The following KLHL5 variants were observed in gnomAD, a reference collection of about 807,000 sequenced individuals.
The protein encoded by KLHL5 is kelch like family member 5.
A neutral mutation model predicts 77.7 loss-of-function variants in KLHL5; 48 were observed. The observed-to-expected ratio is 0.62, with a 90% CI of 0.49 to 0.79. KLHL5 has a LOEUF of 0.79. Among genes scored for constraint, KLHL5 ranks in the 30% least tolerant of loss-of-function variants. The probability of loss-of-function intolerance (pLI) is 0.00; values close to 1 mark genes in which losing one functional copy is unlikely to be tolerated. For synonymous variants in KLHL5, 260 were observed against 297.0 expected, an observed-to-expected ratio of 0.88 and a Z score of 1.28; for missense variants, 723 against 859.7, an observed-to-expected ratio of 0.84 and a Z score of 1.99.
At chr4:39,136,550 A>T in the KLHL5 span, among the ~76,000 whole-genome samples, 1 of 150,708 alleles carries the variant, frequency 6.6e-6, no homozygotes, top group Non-Finnish European at 1.5e-5. Context: ...TGGTGACCCA[A>T]TGTGGGGTAT....
intron 5 of KLHL5, among the ~76,000 whole-genome samples, chr4:39,091,474 A>AG (rs34283045): frequency 0.75 from 113,919 of 151,972 alleles, 42,761 homozygotes; most frequent in East Asian, 0.83. Context: ...ATAGAAATAC[A>AG]GACATATATA....
chr4:39,114,061 A>C (rs1722658151), intron 9 of KLHL5, among the ~76,000 whole-genome samples: 1 of 152,224 alleles, frequency 6.6e-6, no homozygotes, highest in South Asian at 2.1e-4. Flanking sequence ...CCAAGTGACC[A>C]TAAGAAGGAT....
chr4:39,077,833 A>G (rs1176448205), intron 2 of KLHL5, among the ~76,000 whole-genome samples: 2 of 152,226 alleles, frequency 1.3e-5, no homozygotes, highest in Non-Finnish European at 2.9e-5. Context: ...ACACAAGTTT[A>G]TAGCACCACA....
intron 1 of KLHL5, among the ~76,000 whole-genome samples, chr4:39,046,566 T>C (rs1032909687): frequency 6.6e-6 from 1 of 151,920 alleles, no homozygotes; most frequent in Non-Finnish European, 1.5e-5. Flanking sequence ...CTGGGCAACA[T>C]AGTGAGACCC....
intron 6 of KLHL5, among the ~76,000 whole-genome samples, chr4:39,098,556 C>T (rs749668164): frequency 5.3e-5 from 8 of 151,260 alleles, no homozygotes; most frequent in East Asian, 2.0e-4. Flanking sequence ...TATGAACCAG[C>T]GCACCGGGCC....
intron 1 of KLHL5, among the ~76,000 whole-genome samples, chr4:39,048,991 T>G (rs1716425762): frequency 6.6e-6 from 1 of 152,146 alleles, no homozygotes; most frequent in South Asian, 2.1e-4. Context: ...TAACTTCCAC[T>G]GCTATTTCAT....
chr4:39,130,116 A>G (rs1016067357), downstream of KLHL5, among the ~76,000 whole-genome samples: 1 of 152,226 alleles, frequency 6.6e-6, no homozygotes, highest in Non-Finnish European at 1.5e-5. Flanking sequence ...GCAGAAATAT[A>G]GAGGTGTGAA....
intron 2 of KLHL5, among the ~76,000 whole-genome samples, chr4:39,079,268 G>A (rs1719387867): frequency 6.6e-6 from 1 of 152,176 alleles, no homozygotes; most frequent in South Asian, 2.1e-4. Flanking sequence ...ATCCTTTAAA[G>A]TGGAACTCAG....
intron 1 of KLHL5, among the ~76,000 whole-genome samples, chr4:39,056,503 T>C (rs1717016446): frequency 6.6e-6 from 1 of 152,256 alleles, no homozygotes; most frequent in South Asian, 2.1e-4. Context: ...GTGCTAGAAA[T>C]CTTAGTTTTG....
chr4:39,115,217 G>A lies in KLHL5; in HGVS notation c.1960G>A (p.Ala654Thr). Residue 654 changes from alanine (A) to threonine (T), a missense_variant, in exon 10 of 11, where the codon GCA becomes ACA. Coordinates refer to ENST00000504108, the MANE Select transcript of KLHL5 (RefSeq NM_015990.5). ...AGCATCCATGAGCATCAGCAGAGAT[G>A]CAGTGGGGGTCTGTTTACTTGGTGA... Reference protein sequence around the residue: ...AVASMSISRDAVGVCLLGDKL... With the variant: ...AVASMSISRDTVGVCLLGDKL... The A allele has an allele frequency of 6.2e-7, 1 of 1,613,932 alleles. No individual in the cohort carries two copies. Among genetic ancestry groups the A allele is most frequent in the Non-Finnish European group, 8.5e-7 (1 of 1,179,940 alleles).
intron 1 of KLHL5, among the ~76,000 whole-genome samples, chr4:39,066,710 T>C (rs1459087273): frequency 6.6e-6 from 1 of 152,236 alleles, no homozygotes; most frequent in African/African-American, 2.4e-5. Context: ...TAATCATTGC[T>C]GATACTAAGC....
the KLHL5 span, among the ~76,000 whole-genome samples, chr4:39,139,146 T>A: frequency 0.011 from 1,703 of 151,984 alleles, 38 homozygotes; most frequent in African/African-American, 0.039. Context: ...GCTGAGCATG[T>A]TGGCAGACGC....
chr4:39,103,829 T>C (rs1393273368), intron 7 of KLHL5, among the ~76,000 whole-genome samples: 4 of 89,350 alleles, frequency 4.5e-5, no homozygotes, highest in Non-Finnish European at 8.6e-5. Flanking sequence ...AAATTTTTTT[T>C]TTTTAATTAA....
At chr4:39,115,537 TA>T in intron 10 of KLHL5, 1 of 1,464,158 alleles carries the variant, frequency 6.8e-7, no homozygotes, top group Non-Finnish European at 8.9e-7. Flanking sequence ...TGTAAGTTAA[TA>T]CTCAGAGAAA....
chr4:39,063,815 T>C (rs1717645479), intron 1 of KLHL5: 1 of 170,102 alleles, frequency 5.9e-6, no homozygotes, highest in Non-Finnish European at 1.3e-5. Flanking sequence ...CATAGTGACT[T>C]TATCTACCTT....
chr4:39,142,552 C>T, the KLHL5 span, among the ~76,000 whole-genome samples: 11 of 152,260 alleles, frequency 7.2e-5, no homozygotes, highest in African/African-American at 2.6e-4. Flanking sequence ...ATCCTATGAT[C>T]CAGCAAGGGC....
intron 1 of KLHL5, among the ~76,000 whole-genome samples, chr4:39,074,144 T>C (rs566358704): frequency 3.3e-5 from 5 of 152,278 alleles, no homozygotes; most frequent in African/African-American, 1.2e-4. Flanking sequence ...ATTTTCCAAG[T>C]CATTACACCA....
intron 8 of KLHL5, 98 bp from the exon 9 acceptor site, chr4:39,112,922 C>T (rs925998045): frequency 3.9e-6 from 4 of 1,019,258 alleles, no homozygotes; most frequent in Non-Finnish European, 5.8e-6. Flanking sequence ...TAACTGATGG[C>T]ACCTTAAATT....
At chr4:39,131,973 A>T in the KLHL5 span, among the ~76,000 whole-genome samples, 1 of 152,274 alleles carries the variant, frequency 6.6e-6, no homozygotes, top group South Asian at 2.1e-4. Context: ...TTTTGCCCCA[A>T]GGGCATTTGC....
Sources: gnomAD v4.1 joint callset for allele counts (sites outside exome capture counted in the v4.1 genomes callset) on GRCh38, gnomAD v4.1.1 for gene constraint, MANE v1.5 for transcripts, NCBI Gene and HGNC (gene_info 2026-07-23, HGNC 2026-07-21) for gene names.